The following WDR35 variants were observed in gnomAD, a reference collection of about 807,000 sequenced individuals.
WDR35 encodes WD repeat-containing protein 35.
A neutral mutation model predicts 158.3 loss-of-function variants in WDR35; 118 were observed. That is an observed-to-expected ratio of 0.75 (90% CI 0.64 to 0.87). The LOEUF is 0.87. WDR35 is among the 40% of genes least tolerant of loss of function. WDR35 has a pLI of 0.00. For missense variants in WDR35, 1,263 were observed against 1,405.8 expected, an observed-to-expected ratio of 0.90 and a Z score of 1.62; for synonymous variants, 448 against 476.1, an observed-to-expected ratio of 0.94 and a Z score of 0.77.
intron 23 of WDR35, among the ~76,000 whole-genome samples, chr2:19,931,827 AT>A (rs1347614759): frequency 1.3e-5 from 2 of 152,118 alleles, no homozygotes; most frequent in Non-Finnish European, 2.9e-5. Flanking sequence ...TTTAAGAGAT[AT>A]TTTTCCTTTT....
At chr2:19,926,223 T>C (rs1670351633) in intron 25 of WDR35, among the ~76,000 whole-genome samples, 1 of 152,238 alleles carries the variant, frequency 6.6e-6, no homozygotes, top group African/African-American at 2.4e-5. Context: ...GTCATAGATT[T>C]AAAATACTGT....
intron 9 of WDR35, among the ~76,000 whole-genome samples, chr2:19,969,010 T>C (rs529763167): frequency 1.2e-3 from 180 of 152,322 alleles, no homozygotes; most frequent in Admixed American, 5.4e-3. Flanking sequence ...GGAATATTTA[T>C]TCCCCAAATC....
In WDR35 at chr2:19,945,969, T is replaced by A. The variant is rs767878828; in HGVS notation, c.1662A>T (p.Gly554=). ...SSRLAIIDIS[G]VLTFFDLDAR... is the part of the protein sequence containing the mutation. Reference sequence around the variant, plus strand: ...CATCCAAGTCAAAGAAAGTCAGAACTCCTGAGATGTCTATGATAGCAAGAC... The same window carrying A: ...CATCCAAGTCAAAGAAAGTCAGAACACCTGAGATGTCTATGATAGCAAGAC... Residue 554 remains glycine (G), a synonymous_variant, in exon 16 of 27, where the codon GGA becomes GGT. Transcript: ENST00000281405. 3.7e-6 allele frequency: 6 copies of A among 1,613,702 alleles called. No homozygotes were observed. The East Asian group carries it at 1.3e-4, about 36-fold the overall frequency.
intron 10 of WDR35, chr2:19,962,233 A>T (rs751583610): frequency 6.1e-5 from 96 of 1,585,258 alleles, no homozygotes; most frequent in Admixed American, 8.3e-5. Flanking sequence ...CTGATCAGCT[A>T]TAACCTCAAA....
chr2:19,934,104 T>G lies in WDR35; in HGVS notation c.2548-593A>C, dbSNP rs1237610680. On this transcript the variant is annotated intron_variant, in intron 21 of 26. Transcript: ENST00000281405. The surrounding 1 kb of genome is among the most constrained non-coding windows in gnomAD (Gnocchi z 4.6). ...AAAAATCCTACTTGTTCAGCTGCAC[T>G]GGCCATTTTCAGAACATCATTTTTT... Among the ~76,000 whole-genome samples the G allele has an allele frequency of 1.5e-5, 2 of 133,420 alleles. No individual in the cohort carries two copies. The highest frequency in any genetic ancestry group is 3.1e-5 in the Non-Finnish European group (2 of 64,382). 87.5% of individuals were successfully genotyped at this position (133,420 alleles called of 152,430 possible). A position where few individuals can be genotyped will look rare whatever the true frequency, so the allele number is the denominator to read the frequency against.
intron 10 of WDR35, among the ~76,000 whole-genome samples, chr2:19,963,415 CAA>C (rs1281679929): frequency 6.6e-6 from 1 of 152,124 alleles, no homozygotes; most frequent in Non-Finnish European, 1.5e-5. Context: ...ATTACTAACA[CAA>C]ATCCCCAATT....
chr2:19,915,436 C>CAAA (rs35591858), intron 25 of WDR35, among the ~76,000 whole-genome samples: 2 of 120,126 alleles, frequency 1.7e-5, no homozygotes, highest in Non-Finnish European at 1.8e-5. Flanking sequence ...TTACCACTGA[C>CAAA]AAAAAAAAAA....
intron 10 of WDR35, among the ~76,000 whole-genome samples, chr2:19,965,461 T>C (rs1671819280): frequency 6.6e-6 from 1 of 152,212 alleles, no homozygotes; most frequent in Non-Finnish European, 1.5e-5. Flanking sequence ...ACTCTCAATC[T>C]CAGTATCTTT....
intron 1 of WDR35, among the ~76,000 whole-genome samples, chr2:19,989,683 G>A (rs2103474520): frequency 6.6e-6 from 1 of 152,330 alleles, no homozygotes; most frequent in African/African-American, 2.4e-5. Flanking sequence ...TAAATCACGT[G>A]GATCAGCAAC....
chr2:19,969,191 T>A (rs552487767), intron 9 of WDR35, among the ~76,000 whole-genome samples: 1 of 152,348 alleles, frequency 6.6e-6, no homozygotes, highest in East Asian at 1.9e-4. Context: ...CTTTTTATCA[T>A]CCCTTACTGT....
At chr2:19,962,499 C>A (rs1671695254) in intron 10 of WDR35, among the ~76,000 whole-genome samples, 1 of 151,670 alleles carries the variant, frequency 6.6e-6, no homozygotes, top group African/African-American at 2.4e-5. Context: ...TTAAAGTGAT[C>A]ATTTCATTTT....
rs909804301 is a variant in WDR35 at position 19,948,131 on chromosome 2, A to T, written c.1524+33T>A. 2.0e-6 allele frequency: 3 copies of T among 1,531,302 alleles called. No individual in the cohort carries two copies. In the African/African-American group the frequency reaches 4.1e-5, roughly 21 times the overall value. 94.9% of individuals were successfully genotyped at this position (1,531,302 alleles called of 1,614,324 possible). On this transcript the variant is annotated intron_variant, in intron 14 of 26. Transcript: ENST00000281405. ...CCATATTTTTATAATTTAAAGAATT[A>T]TTATTCATAAAATAAGTTTTTGCAA...
At chr2:19,986,439 G>C (rs62109421) in intron 2 of WDR35, among the ~76,000 whole-genome samples, 13,000 of 152,266 alleles carry the variant, frequency 0.085, 730 homozygotes, top group South Asian at 0.2. Flanking sequence ...ATAGAAGAGG[G>C]AAATCTAGCA....
At chr2:19,924,702 C>T (rs1183166928) in intron 25 of WDR35, among the ~76,000 whole-genome samples, 3 of 152,124 alleles carry the variant, frequency 2.0e-5, no homozygotes, top group Non-Finnish European at 4.4e-5. Context: ...TTTATCAAGG[C>T]CTGTGATGTT....
chr2:19,973,811 T>C (rs1242813764), intron 7 of WDR35, 103 bp from the exon 8 acceptor site: 6 of 1,483,540 alleles, frequency 4.0e-6, no homozygotes, highest in Non-Finnish European at 5.5e-6. Context: ...ACTTTCCACA[T>C]TTTTAAAAAA....
rs565704827 is a variant in WDR35 at position 19,931,557 on chromosome 2, T to C, written c.2824-148A>G. On this transcript the variant is annotated intron_variant, in intron 23 of 26. Transcript: ENST00000281405. ...AAATATCACCTATTTAAGATAAATA[T>C]TTTAAAACCTATCTTCTTTTCATTA... The C allele has an allele frequency of 2.3e-5, 20 of 878,372 alleles. No homozygotes were observed. In the African/African-American group the frequency reaches 2.5e-4, roughly 11 times the overall value. 54.4% of individuals were successfully genotyped at this position (878,372 alleles called of 1,614,324 possible).
At chr2:19,935,089 A>G in intron 21 of WDR35, 1 of 154,598 alleles carries the variant, frequency 6.5e-6, no homozygotes, top group Non-Finnish European at 1.4e-5. Context: ...AAGTTGAGCT[A>G]TCTTTTTAAA....
chr2:19,938,045 T>C lies in WDR35; in HGVS notation c.2064-99A>G. The C allele has an allele frequency of 2.0e-6, 3 of 1,473,594 alleles. 1 individual carries two copies. The Admixed American group carries it at 5.6e-5, about 28-fold the overall frequency. 91.3% of individuals were successfully genotyped at this position (1,473,594 alleles called of 1,614,324 possible). A position where few individuals can be genotyped will look rare whatever the true frequency, so the allele number is the denominator to read the frequency against. ...AATTATCATTTATGTCTATTATTTC[T>C]AGAGAAACATGGTGGAAAGTAACAT... On this transcript the variant is annotated intron_variant, in intron 18 of 26. Coordinates refer to ENST00000281405, the MANE Select transcript of WDR35 (RefSeq NM_020779.4).
chr2:19,977,859 T>A (rs1672260817), intron 5 of WDR35, among the ~76,000 whole-genome samples: 1 of 152,164 alleles, frequency 6.6e-6, no homozygotes, highest in African/African-American at 2.4e-5. Flanking sequence ...CATAGCTAAG[T>A]GCAACTCCTC....
Sources: gnomAD v4.1 joint callset for allele counts (sites outside exome capture counted in the v4.1 genomes callset) on GRCh38, gnomAD v4.1.1 for gene constraint, Gnocchi (gnomAD v3.1) non-coding constraint, MANE v1.5 for transcripts, NCBI Gene and HGNC (gene_info 2026-07-23, HGNC 2026-07-21) for gene names.